ABLIM3: variants seen among roughly 807,000 people sequenced by gnomAD.
The protein encoded by ABLIM3 is actin-binding LIM protein 3.
Under a neutral mutation model 109.5 loss-of-function variants are expected in ABLIM3, and 61 were observed. The observed-to-expected ratio is 0.56, with a 90% confidence interval of 0.45 to 0.69. ABLIM3 has a LOEUF of 0.69. Among genes scored for constraint, ABLIM3 ranks in the 30% least tolerant of loss-of-function variants. ABLIM3 has a pLI of 0.00. For missense variants in ABLIM3, 796 were observed against 889.5 expected (o/e 0.89, Z 1.34); for synonymous variants, 300 against 324.8 (o/e 0.92, Z 0.82).
intron 16 of ABLIM3, among the ~76,000 whole-genome samples, chr5:149,246,252 T>C (rs372741569): frequency 6.6e-6 from 1 of 152,080 alleles, no homozygotes; most frequent in South Asian, 2.1e-4. Flanking sequence ...AATACGACTA[T>C]AACCAAGTGG....
At position 149,198,012 on chromosome 5, in the gene ABLIM3, CA is replaced by C. The variant is rs1758136591; in HGVS notation, c.152-204del. On this transcript the variant is annotated intron_variant, in intron 3 of 23. Coordinates refer to ENST00000309868, the MANE Select transcript of ABLIM3 (RefSeq NM_014945.5). This position sits in a 1 kb window ranked among gnomAD's most constrained non-coding sequence, Gnocchi z 4.2. The stretch of plus-strand genomic sequence containing the variant: ...GCCATTCTTTAAGGAATACTGGCCC[CA>C]AAGGCCTGTGAAGTCTGACATGCTA... 6.9e-6 allele frequency among the ~76,000 whole-genome samples: 1 copy of C among 145,510 alleles called. No individual in the cohort carries two copies.
chr5:149,177,578 G>A (rs1218072698), intron 2 of ABLIM3, among the ~76,000 whole-genome samples: 1 of 152,154 alleles, frequency 6.6e-6, no homozygotes, highest in East Asian at 1.9e-4. Context: ...TAAACAAAGA[G>A]ACCTCCAGAG....
intron 2 of ABLIM3, among the ~76,000 whole-genome samples, chr5:149,171,556 C>G (rs952703942): frequency 1.8e-4 from 27 of 152,314 alleles, no homozygotes; most frequent in Middle Eastern, 6.8e-3. Context: ...GTTCCATACC[C>G]TATCTGCTCT....
intron 11 of ABLIM3, among the ~76,000 whole-genome samples, 175 bp downstream of exon 11, chr5:149,237,778 G>C (rs1251370899): frequency 6.6e-6 from 1 of 151,994 alleles, no homozygotes; most frequent in African/African-American, 2.4e-5. Flanking sequence ...TGGCTTTCTG[G>C]CTCTTCTTGA....
chr5:149,182,623 T>G (rs1187699309), intron 2 of ABLIM3, among the ~76,000 whole-genome samples: 1 of 152,184 alleles, frequency 6.6e-6, no homozygotes, highest in Non-Finnish European at 1.5e-5. Flanking sequence ...AAAGTAGCCA[T>G]GAAATGGTCT....
intron 12 of ABLIM3, 24 bp from the exon 13 acceptor site, chr5:149,239,735 T>C: frequency 1.3e-6 from 2 of 1,570,784 alleles, no homozygotes; most frequent in Non-Finnish European, 8.6e-7. Flanking sequence ...CCAGCCATGC[T>C]CACAGCCCCA....
chr5:149,193,273 T>A (rs1757663324), intron 3 of ABLIM3, among the ~76,000 whole-genome samples: 1 of 151,938 alleles, frequency 6.6e-6, no homozygotes, highest in South Asian at 2.1e-4. Context: ...AGAAAGTCAA[T>A]AAGAATTTAT....
intron 8 of ABLIM3, among the ~76,000 whole-genome samples, chr5:149,225,313 A>G (rs10079599): frequency 0.061 from 9,234 of 152,228 alleles, 918 homozygotes; most frequent in African/African-American, 0.21. Context: ...GTCATTTCCC[A>G]TTCCTCTGTC....
chr5:149,234,364 A>G (rs1303759305), intron 10 of ABLIM3, among the ~76,000 whole-genome samples: 4 of 152,300 alleles, frequency 2.6e-5, no homozygotes, highest in South Asian at 4.1e-4. Context: ...GAAGACCAGA[A>G]ATGTGGGGAA....
intron 2 of ABLIM3, among the ~76,000 whole-genome samples, chr5:149,173,949 G>A (rs1487262043): frequency 6.6e-6 from 1 of 150,612 alleles, no homozygotes; most frequent in African/African-American, 2.4e-5. Context: ...GTGAACCCGG[G>A]AGGCGGAGCT....
In ABLIM3 at chr5:149,238,167, T is replaced by C. The variant is rs1356108414; in HGVS notation, c.1044+564T>C. Among the ~76,000 whole-genome samples the C allele has an allele frequency of 4.6e-5, 7 of 152,152 alleles. No homozygotes were observed. In the East Asian group the frequency reaches 5.8e-4, roughly 13 times the overall value. On this transcript the variant is annotated intron_variant, in intron 11 of 23. Transcript: ENST00000309868. ...CAGTAACAGATAGCTTTTGAAATCA[T>C]TAAATGGTTGCTAAACAAGAGAAAG...
intron 9 of ABLIM3, among the ~76,000 whole-genome samples, chr5:149,232,334 A>G (rs542972109): frequency 6.6e-6 from 1 of 152,258 alleles, no homozygotes; most frequent in East Asian, 1.9e-4. Flanking sequence ...GAAATTGACA[A>G]TTGTTGAGAG....
intron 2 of ABLIM3, among the ~76,000 whole-genome samples, chr5:149,158,296 A>C (rs187610825): frequency 2.0e-5 from 3 of 152,352 alleles, no homozygotes; most frequent in Admixed American, 2.0e-4. Flanking sequence ...GCTGGAGCTT[A>C]CAAATCCATG....
chr5:149,198,412 C>A lies in ABLIM3; in HGVS notation c.335+10C>A. 4 of 1,599,452 alleles carry A rather than the reference C, an allele frequency of 2.5e-6. No homozygotes were observed. Among genetic ancestry groups the A allele is most frequent in the Non-Finnish European group, 3.4e-6 (4 of 1,172,502 alleles). On this transcript the variant is annotated intron_variant, in intron 4 of 23. Coordinates refer to ENST00000309868, the MANE Select transcript of ABLIM3 (RefSeq NM_014945.5). The surrounding 1 kb of genome is among the most constrained non-coding windows in gnomAD (Gnocchi z 4.2). The stretch of plus-strand genomic sequence containing the variant: ...TGTGCAGCTTGTGCAGGTGAGTGGG[C>A]GACCAGCAGGGCCTGGGACCCTCTG...
chr5:149,206,271 C>G (rs897600291), intron 5 of ABLIM3, among the ~76,000 whole-genome samples: 1 of 152,188 alleles, frequency 6.6e-6, no homozygotes, highest in African/African-American at 2.4e-5. Flanking sequence ...GGGCACCTTT[C>G]TGGTTTGGGA....
In ABLIM3 at chr5:149,252,856, G is replaced by A. The variant is rs766328548; in HGVS notation, c.1938+19G>A. 4 of 1,602,930 alleles carry A rather than the reference G, an allele frequency of 2.5e-6. No homozygotes were observed. The South Asian group carries it at 4.4e-5, about 18-fold the overall frequency. On this transcript the variant is annotated intron_variant, in intron 23 of 23. Transcript: ENST00000309868. ...TTTAGAGGTAAGTCTAAAAAACTGA[G>A]CAGGAGCTCTTGGGTTGGAAGAAAT... is the stretch of plus-strand genomic sequence containing the variant.
At chr5:149,203,584 C>T (rs559343082) in intron 5 of ABLIM3, among the ~76,000 whole-genome samples, 174 of 152,144 alleles carry the variant, frequency 1.1e-3, no homozygotes, top group Non-Finnish European at 1.1e-3. Context: ...AACAACACCA[C>T]CATCACCATC....
At chr5:149,189,431 G>C (rs1024667303) in intron 3 of ABLIM3, among the ~76,000 whole-genome samples, 1 of 152,080 alleles carries the variant, frequency 6.6e-6, no homozygotes, top group African/African-American at 2.4e-5. Flanking sequence ...CCATAGAATA[G>C]GAGAAAATAT....
chr5:149,208,783 G>A (rs1759265196), intron 6 of ABLIM3, among the ~76,000 whole-genome samples: 1 of 152,186 alleles, frequency 6.6e-6, no homozygotes, highest in African/African-American at 2.4e-5. Context: ...GGAAATGGAT[G>A]CTGGCCAAAC....
Sources: allele counts gnomAD v4.1 joint callset (sites outside exome capture counted in the v4.1 genomes callset), GRCh38; gene constraint gnomAD v4.1.1; non-coding constraint Gnocchi (gnomAD v3.1); transcripts MANE v1.5; gene names NCBI Gene and HGNC (gene_info 2026-07-23, HGNC 2026-07-21).